The following PTPRM variants were observed in gnomAD, a reference collection of about 807,000 sequenced individuals.
PTPRM encodes the protein receptor-type tyrosine-protein phosphatase mu.
A neutral mutation model predicts 186.7 loss-of-function variants in PTPRM; 47 were observed. The observed-to-expected ratio is 0.25, with a 90% confidence interval of 0.20 to 0.32. PTPRM has a LOEUF of 0.32. Among genes scored for constraint, PTPRM ranks in the 10% least tolerant of loss-of-function variants. The pLI, the probability that PTPRM is intolerant of heterozygous loss-of-function variation, is 1.00. For missense variants in PTPRM, 1,494 were observed against 1,865.0 expected, an observed-to-expected ratio of 0.80 and a Z score of 3.66; for synonymous variants, 668 against 674.9, an observed-to-expected ratio of 0.99 and a Z score of 0.16.
At chr18:7,642,848 TAAA>T (rs558868777) in intron 1 of PTPRM, among the ~76,000 whole-genome samples, 9 of 127,162 alleles carry the variant, frequency 7.1e-5, no homozygotes, top group African/African-American at 1.1e-4. Flanking sequence ...AGCCTTTACT[TAAA>T]AAAAAAAAAA....
intron 1 of PTPRM, among the ~76,000 whole-genome samples, chr18:7,611,941 AAGGC>A (rs1244206499): frequency 2.6e-5 from 4 of 152,176 alleles, no homozygotes; most frequent in African/African-American, 7.2e-5. Context: ...AGACTGATAC[AAGGC>A]TCTACCATCT....
At chr18:7,884,288 G>T (rs1314195774) in intron 2 of PTPRM, among the ~76,000 whole-genome samples, 2 of 152,226 alleles carry the variant, frequency 1.3e-5, no homozygotes, top group Non-Finnish European at 2.9e-5. Flanking sequence ...TGCATTCGTG[G>T]TTAATTATGA....
chr18:8,310,734 G>A (rs985036387), intron 20 of PTPRM, among the ~76,000 whole-genome samples: 1 of 152,054 alleles, frequency 6.6e-6, no homozygotes, highest in South Asian at 2.1e-4. Context: ...ACTGTTTAAT[G>A]TGTTTTCCAT....
At chr18:8,035,602 G>A (rs189544856) in intron 7 of PTPRM, among the ~76,000 whole-genome samples, 2 of 152,024 alleles carry the variant, frequency 1.3e-5, no homozygotes, top group South Asian at 2.1e-4. Context: ...TTTTTGGACC[G>A]AGGTTGGTTG....
intron 2 of PTPRM, among the ~76,000 whole-genome samples, chr18:7,791,547 A>G (rs2043346290): frequency 6.6e-6 from 1 of 152,202 alleles, no homozygotes; most frequent in Admixed American, 6.5e-5. Context: ...ATGGCACAGG[A>G]AAAGTCCCTG....
rs539710529 is a variant in PTPRM, at chr18:8,404,445, G to A, written c.4345-1664G>A. ...CTTGTCATCATGTGTACATGTAGCC[G>A]ACTTTGACTCTCAACTGTGTCAGTT... On this transcript the variant is annotated intron_variant, in intron 32 of 32. Coordinates refer to ENST00000580170, the MANE Select transcript of PTPRM (RefSeq NM_001105244.2). 5.3e-5 allele frequency: 8 copies of A among 152,274 alleles called. No homozygotes were observed. The East Asian group carries it at 1.2e-3, about 22-fold the overall frequency. 9.4% of individuals were successfully genotyped at this position (152,274 alleles called of 1,614,324 possible).
chr18:8,208,539 TCTCA>T (rs1399695557), intron 14 of PTPRM, among the ~76,000 whole-genome samples: 1 of 149,584 alleles, frequency 6.7e-6, no homozygotes, highest in African/African-American at 2.5e-5. Context: ...TTAAACAGGG[TCTCA>T]CTCTGTCACC....
chr18:7,573,050 C>T (rs1028788000), intron 1 of PTPRM, among the ~76,000 whole-genome samples: 1 of 152,132 alleles, frequency 6.6e-6, no homozygotes, highest in Non-Finnish European at 1.5e-5. Flanking sequence ...CACCAAGCTT[C>T]CTAGTCTGTA....
At position 7,743,560 on chromosome 18, in the gene PTPRM, A is replaced by G. The variant is rs1055521123; in HGVS notation, c.74-30589A>G. Among the ~76,000 whole-genome samples the G allele has an allele frequency of 1.2e-4, 18 of 152,340 alleles. 1 individual carries two copies. The highest frequency in any genetic ancestry group is 4.1e-4 in the African/African-American group (17 of 41,574). On this transcript the variant is annotated intron_variant, in intron 1 of 32. Coordinates refer to ENST00000580170, the MANE Select transcript of PTPRM (RefSeq NM_001105244.2). Reference sequence around the variant, plus strand: ...TAAAATAAAAAGAGAAAGAGCTGCTAAAACCTGGTATTTTAATAAATTAGA... The same window carrying G: ...TAAAATAAAAAGAGAAAGAGCTGCTGAAACCTGGTATTTTAATAAATTAGA...
chr18:7,859,323 T>C (rs1222216017), intron 2 of PTPRM, among the ~76,000 whole-genome samples: 2 of 152,102 alleles, frequency 1.3e-5, no homozygotes, highest in Non-Finnish European at 2.9e-5. Flanking sequence ...GATCCCCCTC[T>C]AGGGAAATTC....
Position 7,906,540 on chromosome 18 carries a change from C to T in PTPRM, c.504C>T (p.Gly168=). 6.2e-7 allele frequency: 1 copy of T among 1,613,536 alleles called. No homozygotes were observed. The highest frequency in any genetic ancestry group is 2.2e-5 in the East Asian group (1 of 44,876). The part of the protein sequence containing the change: ...IFEVITSGHQ[G]YLAIDEVKVL... ...AAGTGATAACTTCTGGACATCAAGG[C>T]TATCTCGCTATCGATGAGGTGAAGG... Residue 168 remains glycine, a synonymous_variant, in exon 4 of 33, where the codon GGC becomes GGT. Transcript: ENST00000580170.
At chr18:8,134,693 G>A (rs1384240471) in intron 13 of PTPRM, among the ~76,000 whole-genome samples, 1 of 152,088 alleles carries the variant, frequency 6.6e-6, no homozygotes, top group Non-Finnish European at 1.5e-5. Context: ...GGAATTATTA[G>A]TTCCTTATTG....
chr18:8,305,041 T>C (rs990378273), intron 20 of PTPRM, among the ~76,000 whole-genome samples: 8 of 152,212 alleles, frequency 5.3e-5, no homozygotes, highest in Admixed American at 6.5e-5. Context: ...TTTGATTATT[T>C]CATGTAAATA....
chr18:8,376,709 T>TAATTGAA, intron 26 of PTPRM, 112 bp downstream of exon 26: 1 of 1,301,986 alleles, frequency 7.7e-7, no homozygotes, highest in Admixed American at 2.6e-5. Context: ...GTTCAAGTGA[T>TAATTGAA]CTACCTGGCA....
At chr18:7,977,895 A>G (rs1223072759) in intron 7 of PTPRM, among the ~76,000 whole-genome samples, 5 of 151,902 alleles carry the variant, frequency 3.3e-5, no homozygotes, top group African/African-American at 7.3e-5. Context: ...TAAGTCTCAG[A>G]CTCCTCACAG....
chr18:7,917,547 A>T (rs979455835), intron 4 of PTPRM, among the ~76,000 whole-genome samples: 3 of 152,006 alleles, frequency 2.0e-5, no homozygotes, highest in Non-Finnish European at 4.4e-5. Context: ...AAAAATATAT[A>T]CTTTTTTATT....
At chr18:8,193,167 C>G (rs2146731307) in intron 14 of PTPRM, among the ~76,000 whole-genome samples, 1 of 152,172 alleles carries the variant, frequency 6.6e-6, no homozygotes. Context: ...AGGGGAAATT[C>G]TATGTAAGAT....
chr18:7,723,474 C>T (rs1026758846), intron 1 of PTPRM, among the ~76,000 whole-genome samples: 2 of 152,012 alleles, frequency 1.3e-5, no homozygotes, highest in East Asian at 1.9e-4. Flanking sequence ...TGTGAGTGCC[C>T]GAGGGTCCCA....
chr18:8,243,317 T>G (rs2094449098), intron 14 of PTPRM, among the ~76,000 whole-genome samples: 1 of 152,226 alleles, frequency 6.6e-6, no homozygotes, highest in East Asian at 1.9e-4. Context: ...GAAGCCTTAC[T>G]CCTGCTGAAC....
Sources: gnomAD v4.1 joint callset for allele counts (sites outside exome capture counted in the v4.1 genomes callset) on GRCh38, gnomAD v4.1.1 for gene constraint, MANE v1.5 for transcripts, NCBI Gene and HGNC (gene_info 2026-07-23, HGNC 2026-07-21) for gene names.